SGCD: variants seen among roughly 807,000 people sequenced by gnomAD.
SGCD encodes the protein delta-sarcoglycan.
In SGCD, 18 loss-of-function variants were observed where a neutral mutation model predicts 36.6. The ratio of observed to expected loss-of-function variants is 0.49; its 90% confidence interval spans 0.34 to 0.73. The LOEUF (loss-of-function observed/expected upper bound fraction) is 0.73. Ranked by LOEUF, SGCD falls within the 30% of genes least tolerant of loss-of-function variation. The probability of loss-of-function intolerance (pLI) is 0.01; values close to 1 mark genes in which losing one functional copy is unlikely to be tolerated. For synonymous variants in SGCD, 133 were observed against 130.6 expected (o/e 1.02, Z -0.12); for missense variants, 387 against 346.7 (o/e 1.12, Z -0.92).
chr5:156,406,160 G>T (rs1772397607), intron 3 of SGCD, among the ~76,000 whole-genome samples: 1 of 152,114 alleles, frequency 6.6e-6, no homozygotes, highest in Admixed American at 6.6e-5. Flanking sequence ...AATTCTGTAA[G>T]GCAAGAAATA....
intron 7 of SGCD, among the ~76,000 whole-genome samples, chr5:156,706,835 G>A (rs1447884605): frequency 1.3e-5 from 2 of 151,962 alleles, no homozygotes; most frequent in Non-Finnish European, 2.9e-5. Context: ...GATTCAGTCT[G>A]GTATGTTACT....
rs201219143 is a variant in SGCD, at chr5:155,975,770, C to A, written c.-282+105346C>A. Reference sequence around the variant, plus strand: ...TCAACCTCCTGAGTAGCTTGGATTACAGGCACCTGCTACCATGGCTGGCTA... The same window carrying A: ...TCAACCTCCTGAGTAGCTTGGATTAAAGGCACCTGCTACCATGGCTGGCTA... On this transcript the variant is annotated intron_variant, in intron 1 of 9. Transcript: ENST00000517913. 2.6e-5 allele frequency among the ~76,000 whole-genome samples: 4 copies of A among 151,252 alleles called. No homozygotes were observed. The East Asian group carries it at 7.8e-4, about 30-fold the overall frequency.
At chr5:156,513,363 A>G (rs970425135) in intron 4 of SGCD, among the ~76,000 whole-genome samples, 5 of 152,064 alleles carry the variant, frequency 3.3e-5, no homozygotes, top group Non-Finnish European at 7.4e-5. Flanking sequence ...GCACCTTTCC[A>G]TTCACCACTT....
intron 1 of SGCD, among the ~76,000 whole-genome samples, chr5:156,061,258 G>A (rs879606667): frequency 6.9e-6 from 1 of 144,344 alleles, no homozygotes; most frequent in African/African-American, 2.5e-5. Flanking sequence ...TATTCTTCAA[G>A]GCTAAGAGAA....
intron 1 of SGCD, among the ~76,000 whole-genome samples, chr5:155,968,821 T>C (rs1195408894): frequency 6.6e-6 from 1 of 152,110 alleles, no homozygotes; most frequent in East Asian, 1.9e-4. Flanking sequence ...ACTAGTTAAA[T>C]GTGTGGGTGT....
chr5:156,536,518 A>C (rs1758119853), intron 4 of SGCD, among the ~76,000 whole-genome samples: 1 of 152,196 alleles, frequency 6.6e-6, no homozygotes, highest in South Asian at 2.1e-4. Flanking sequence ...TAATATGTTA[A>C]GGAATCACAA....
Position 156,764,384 on chromosome 5 carries a change from T to A in SGCD, c.*4994T>A, listed in dbSNP as rs141782785. The A allele has an allele frequency of 3.9e-5, 6 of 152,720 alleles. No homozygotes were observed. In the East Asian group the frequency reaches 1.2e-3, roughly 29 times the overall value. 9.5% of individuals were successfully genotyped at this position (152,720 alleles called of 1,614,324 possible). The stretch of plus-strand genomic sequence containing the variant: ...CTCATGCACAAAGCCAAACCACTGA[T>A]AAGAGATAAAGCAGTCTGAAGCCTG... On this transcript the variant is annotated 3_prime_UTR_variant, in exon 9 of 9. Coordinates refer to ENST00000337851, the MANE Select transcript of SGCD (RefSeq NM_000337.6).
At chr5:156,326,993 G>A (rs1382301887), upstream of SGCD, 2 of 152,402 alleles carry the variant, frequency 1.3e-5, no homozygotes, top group Non-Finnish European at 2.9e-5. Context: ...ATTGAAGTAC[G>A]GAGTACGGTT....
chr5:156,623,636 G>C (rs1293639696), intron 6 of SGCD, among the ~76,000 whole-genome samples: 1 of 152,192 alleles, frequency 6.6e-6, no homozygotes, highest in East Asian at 1.9e-4. Context: ...AGAGGTCAAA[G>C]CACATTTAAA....
chr5:155,880,529 G>A (rs1755860984), intron 1 of SGCD, among the ~76,000 whole-genome samples: 1 of 152,122 alleles, frequency 6.6e-6, no homozygotes, highest in Non-Finnish European at 1.5e-5. Context: ...ACAGAGCACT[G>A]CCAAAATCTG....
chr5:156,414,989 T>TA (rs1772949904), intron 3 of SGCD, among the ~76,000 whole-genome samples: 1 of 152,192 alleles, frequency 6.6e-6, no homozygotes, highest in Non-Finnish European at 1.5e-5. Context: ...GCAGAGCAAT[T>TA]GCCAGTATTT....
At chr5:156,339,760 A>C (rs1003689961) in intron 2 of SGCD, among the ~76,000 whole-genome samples, 1 of 152,220 alleles carries the variant, frequency 6.6e-6, no homozygotes. Flanking sequence ...TAAAAATATT[A>C]GGAATACAAA....
chr5:156,467,395 A>G (rs1296786061), intron 3 of SGCD, among the ~76,000 whole-genome samples: 1 of 152,202 alleles, frequency 6.6e-6, no homozygotes, highest in Non-Finnish European at 1.5e-5. Context: ...AGAACAAACC[A>G]TCACATTTTT....
At chr5:155,971,843 T>C (rs1758012377) in intron 1 of SGCD, among the ~76,000 whole-genome samples, 1 of 152,146 alleles carries the variant, frequency 6.6e-6, no homozygotes, top group Middle Eastern at 3.2e-3. Flanking sequence ...ACTTTACTTG[T>C]GGATAAATTT....
intron 1 of SGCD, among the ~76,000 whole-genome samples, chr5:156,019,156 A>G (rs1759047178): frequency 6.6e-6 from 1 of 152,260 alleles, no homozygotes; most frequent in African/African-American, 2.4e-5. Context: ...TTAAAACAAA[A>G]CATAGAAATT....
intron 1 of SGCD, among the ~76,000 whole-genome samples, chr5:155,976,927 T>C (rs373416138): frequency 3.3e-5 from 5 of 152,204 alleles, no homozygotes; most frequent in East Asian, 3.8e-4. Context: ...TCCTTCATTT[T>C]CTAGACTCCA....
the SGCD span, among the ~76,000 whole-genome samples, chr5:155,758,160 C>A: frequency 6.8e-4 from 103 of 152,078 alleles, 1 homozygote; most frequent in South Asian, 4.6e-3. Context: ...TTAGTAGATA[C>A]CTTGAATTGA....
At chr5:156,251,615 A>C (rs1011851013) in intron 3 of SGCD, among the ~76,000 whole-genome samples, 3 of 152,036 alleles carry the variant, frequency 2.0e-5, no homozygotes, top group African/African-American at 7.3e-5. Context: ...CTGCGGTTCA[A>C]GCCATTCTCC....
chr5:156,275,875 C>T (rs186287199), intron 3 of SGCD, among the ~76,000 whole-genome samples: 1 of 152,230 alleles, frequency 6.6e-6, no homozygotes, highest in East Asian at 1.9e-4. Flanking sequence ...CTTATCAGGA[C>T]CTCATCTAAA....
Sources: allele counts gnomAD v4.1 joint callset (sites outside exome capture counted in the v4.1 genomes callset), GRCh38; gene constraint gnomAD v4.1.1; transcripts MANE v1.5; gene names NCBI Gene and HGNC (gene_info 2026-07-23, HGNC 2026-07-21).